Variants in ADAMTSL3 observed in about 807,000 individuals in gnomAD.
The protein encoded by ADAMTSL3 is ADAMTS like 3, also known as ADAMTS-like protein 3.
Under a neutral mutation model 201.7 loss-of-function variants are expected in ADAMTSL3, and 128 were observed. That is an observed-to-expected ratio of 0.63 (90% confidence interval 0.55 to 0.73). The LOEUF is 0.73. Among genes scored for constraint, ADAMTSL3 ranks in the 30% least tolerant of loss-of-function variants. The pLI, the probability that ADAMTSL3 is intolerant of heterozygous loss-of-function variation, is 0.00. For missense variants in ADAMTSL3, 1,990 were observed against 2,119.6 expected, an observed-to-expected ratio of 0.94 and a Z score of 1.20; for synonymous variants, 738 against 748.4, an observed-to-expected ratio of 0.99 and a Z score of 0.23.
rs2063290605 is a variant in ADAMTSL3 at position 83,787,961 on chromosome 15, C to A, written c.317+14311C>A. Among the ~76,000 whole-genome samples the A allele has an allele frequency of 2.0e-5, 3 of 151,984 alleles. No individual in the cohort carries two copies. In the South Asian group the frequency reaches 6.2e-4, roughly 31 times the overall value. ...GAAGGCATATTATTATTAATGCCTT[C>A]ATTAAACTATTATGAAGGTATATTA... On this transcript the variant is annotated intron_variant, in intron 4 of 29. Coordinates refer to ENST00000286744, the MANE Select transcript of ADAMTSL3 (RefSeq NM_207517.3).
intron 4 of ADAMTSL3, among the ~76,000 whole-genome samples, chr15:83,774,353 C>T (rs984582238): frequency 1.4e-4 from 21 of 152,180 alleles, no homozygotes; most frequent in African/African-American, 4.1e-4. Flanking sequence ...TGGCCTTTGC[C>T]GATTAGCTTC....
chr15:83,903,972 A>G (rs1431405550), intron 15 of ADAMTSL3, among the ~76,000 whole-genome samples: 172 of 138,304 alleles, frequency 1.2e-3, no homozygotes, highest in East Asian at 1.5e-3. Flanking sequence ...AAGAAAGAAA[A>G]GGAGCTACAG....
At chr15:83,741,624 TAATC>T (rs2062456863) in intron 3 of ADAMTSL3, among the ~76,000 whole-genome samples, 1 of 152,210 alleles carries the variant, frequency 6.6e-6, no homozygotes, top group African/African-American at 2.4e-5. Flanking sequence ...GAAGAAATTA[TAATC>T]AATCTAAACA....
At chr15:83,913,052 C>T (rs1442353505) in intron 15 of ADAMTSL3, 40 bp from the exon 16 acceptor site, 8 of 1,598,576 alleles carry the variant, frequency 5.0e-6, no homozygotes, top group South Asian at 3.4e-5. Context: ...ATTTAATGAC[C>T]CTCAGTGTCC....
At chr15:83,999,840 C>T (rs756245793) in intron 23 of ADAMTSL3, among the ~76,000 whole-genome samples, 8 of 152,112 alleles carry the variant, frequency 5.3e-5, no homozygotes, top group Non-Finnish European at 8.8e-5. Flanking sequence ...GATGTCTAGG[C>T]GAATTATTAA....
At chr15:83,790,000 T>C (rs2063320204) in intron 4 of ADAMTSL3, among the ~76,000 whole-genome samples, 1 of 151,952 alleles carries the variant, frequency 6.6e-6, no homozygotes, top group Admixed American at 6.6e-5. Flanking sequence ...GGATTTACCT[T>C]TTTCTGGGGC....
intron 10 of ADAMTSL3, 73 bp downstream of exon 10, chr15:83,885,285 C>A: frequency 8.1e-7 from 1 of 1,227,394 alleles, no homozygotes; most frequent in Non-Finnish European, 1.2e-6. Context: ...ATTTTTGAAG[C>A]TGATTTTAAA....
Position 83,838,168 on chromosome 15 carries a change from G to T in ADAMTSL3, c.680G>T (p.Cys227Phe), listed in dbSNP as rs1176531518. 1.2e-6 allele frequency: 2 copies of T among 1,612,860 alleles called. No homozygotes were observed. The highest frequency in any genetic ancestry group is 1.7e-6 in the Non-Finnish European group (2 of 1,179,534). Residue 227 changes from cysteine to phenylalanine, a missense_variant, in exon 7 of 30, where the codon TGC (cysteine) becomes TTC (phenylalanine). Coordinates refer to ENST00000286744, the MANE Select transcript of ADAMTSL3 (RefSeq NM_207517.3). ...GTCTGTGCCGGCGATGGCTCCACCT[G>T]CAGGCTTGTACGGGGACAATCAAAG... ...CGVCAGDGST[C>F]RLVRGQSKSH...
intron 20 of ADAMTSL3, among the ~76,000 whole-genome samples, chr15:83,970,990 G>A (rs1288910930): frequency 6.6e-6 from 1 of 152,100 alleles, no homozygotes; most frequent in Non-Finnish European, 1.5e-5. Context: ...ATTGCATTTG[G>A]ACTTAATTAA....
At chr15:83,733,429 G>A (rs958545670) in intron 3 of ADAMTSL3, among the ~76,000 whole-genome samples, 2 of 152,156 alleles carry the variant, frequency 1.3e-5, no homozygotes, top group African/African-American at 4.8e-5. Flanking sequence ...ACCCTGTTGG[G>A]TAGAGACTGT....
chr15:84,012,170 A>C (rs992639655), intron 23 of ADAMTSL3, among the ~76,000 whole-genome samples: 1 of 152,204 alleles, frequency 6.6e-6, no homozygotes, highest in African/African-American at 2.4e-5. Context: ...ACAAACTTAG[A>C]AGCTTAAAAC....
At chr15:83,884,336 TC>T (rs201412487) in intron 9 of ADAMTSL3, among the ~76,000 whole-genome samples, 12 of 115,458 alleles carry the variant, frequency 1.0e-4, no homozygotes, top group Non-Finnish European at 1.2e-4. Flanking sequence ...GTGCCCTATT[TC>T]CTTTTTTTTT....
intron 5 of ADAMTSL3, among the ~76,000 whole-genome samples, chr15:83,815,978 T>G (rs1422949878): frequency 6.6e-6 from 1 of 152,212 alleles, no homozygotes; most frequent in Non-Finnish European, 1.5e-5. Flanking sequence ...CATCATATGC[T>G]AAGAACAGAA....
chr15:83,967,149 A>G (rs2067104817), intron 19 of ADAMTSL3, among the ~76,000 whole-genome samples: 1 of 152,184 alleles, frequency 6.6e-6, no homozygotes, highest in Non-Finnish European at 1.5e-5. Context: ...CACCACTCTT[A>G]TTTAACATAG....
At chr15:83,660,686 G>A (rs72761818) in intron 2 of ADAMTSL3, among the ~76,000 whole-genome samples, 14,581 of 152,186 alleles carry the variant, frequency 0.096, 951 homozygotes, top group East Asian at 0.35. Flanking sequence ...TCCAGTTTTG[G>A]TTATTAAAAG....
intron 10 of ADAMTSL3, among the ~76,000 whole-genome samples, chr15:83,888,166 AAGAAC>A (rs2065433763): frequency 6.6e-6 from 1 of 152,212 alleles, no homozygotes; most frequent in Admixed American, 6.5e-5. Context: ...CAGTGGATGT[AAGAAC>A]AGAAGGGAGA....
In ADAMTSL3 at chr15:83,831,633, A is replaced by AT. The variant is rs140482984; in HGVS notation, c.601-6454dup. 2.2e-3 allele frequency among the ~76,000 whole-genome samples: 340 copies of AT among 152,258 alleles called. 1 individual carries two copies. The highest frequency in any genetic ancestry group is 7.8e-3 in the African/African-American group (322 of 41,548). On this transcript the variant is annotated intron_variant, in intron 6 of 29. Coordinates refer to ENST00000286744, the MANE Select transcript of ADAMTSL3 (RefSeq NM_207517.3). The stretch of plus-strand genomic sequence containing the variant: ...AGCCTTGACCTCCTGGGCTCAAGTG[A>AT]TTCTCCCATCTCAACCTCTTGAGTA...
chr15:83,861,342 C>G (rs2064854580), intron 8 of ADAMTSL3: 1 of 152,858 alleles, frequency 6.5e-6, no homozygotes, highest in East Asian at 1.9e-4. Context: ...ACTGCCTCCT[C>G]AAGTGGGTCC....
intron 20 of ADAMTSL3, among the ~76,000 whole-genome samples, chr15:83,981,981 A>C (rs2141809239): frequency 6.6e-6 from 1 of 152,304 alleles, no homozygotes; most frequent in African/African-American, 2.4e-5. Context: ...CATTTCACCA[A>C]ATCATTTAAC....
Sources: gnomAD v4.1 joint callset for allele counts (sites outside exome capture counted in the v4.1 genomes callset) on GRCh38, gnomAD v4.1.1 for gene constraint, MANE v1.5 for transcripts, NCBI Gene and HGNC (gene_info 2026-07-23, HGNC 2026-07-21) for gene names.